Variants in PDZD2 observed in about 807,000 individuals in gnomAD.
The protein encoded by PDZD2 is PDZ domain-containing protein 2.
Under a neutral mutation model 220.7 loss-of-function variants are expected in PDZD2, and 90 were observed. The ratio of observed to expected loss-of-function variants is 0.41; its 90% CI spans 0.34 to 0.49. The LOEUF (loss-of-function observed/expected upper bound fraction) is 0.49. PDZD2 is among the 20% of genes least tolerant of loss of function. The pLI, the probability that PDZD2 is intolerant of heterozygous loss-of-function variation, is 0.28. For missense variants in PDZD2, 3,174 were observed against 3,608.5 expected (o/e 0.88, Z 3.08); for synonymous variants, 1,375 against 1,450.5 (o/e 0.95, Z 1.18).
intron 1 of PDZD2, among the ~76,000 whole-genome samples, chr5:31,775,684 T>TGTGTGTGTGTGTGTGTGA (rs1752603081): frequency 2.0e-5 from 3 of 151,192 alleles, no homozygotes; most frequent in African/African-American, 7.3e-5. Flanking sequence ...TGTGTGTGTG[T>TGTGTGTGTGTGTGTGTGA]GTGTGTGTGT....
At chr5:31,786,263 G>T (rs1193653856) in intron 1 of PDZD2, among the ~76,000 whole-genome samples, 1 of 152,178 alleles carries the variant, frequency 6.6e-6, no homozygotes, top group Non-Finnish European at 1.5e-5. Flanking sequence ...GAGCAGTCCA[G>T]GGAAGGGAGA....
chr5:32,043,677 G>C (rs1397188691), intron 7 of PDZD2, among the ~76,000 whole-genome samples: 1 of 152,090 alleles, frequency 6.6e-6, no homozygotes, highest in Non-Finnish European at 1.5e-5. Context: ...TCCCAGGCTG[G>C]AGCACGGTGG....
intron 1 of PDZD2, among the ~76,000 whole-genome samples, chr5:31,763,809 C>T (rs147812114): frequency 6.7e-6 from 1 of 149,440 alleles, no homozygotes; most frequent in East Asian, 2.0e-4. Context: ...TGCAAGCAGT[C>T]TTCAAAGGAT....
chr5:31,924,649 G>C (rs1369342054), intron 2 of PDZD2, among the ~76,000 whole-genome samples: 1 of 152,178 alleles, frequency 6.6e-6, no homozygotes, highest in East Asian at 1.9e-4. Context: ...GCTTAGAGGA[G>C]ACGCTTGTTA....
chr5:31,972,948 A>C (rs72759637), intron 2 of PDZD2, among the ~76,000 whole-genome samples: 457 of 152,356 alleles, frequency 3.0e-3, no homozygotes, highest in Non-Finnish European at 4.0e-3. Flanking sequence ...ACAGTAATTT[A>C]ATAAAGAAAT....
At chr5:31,842,518 G>A (rs372661951) in intron 2 of PDZD2, among the ~76,000 whole-genome samples, 6 of 152,332 alleles carry the variant, frequency 3.9e-5, no homozygotes, top group Non-Finnish European at 7.3e-5. Flanking sequence ...TTCCTGGCTC[G>A]AATCTGGCTG....
intron 24 of PDZD2, 77 bp from the exon 25 acceptor site, chr5:32,107,892 A>C: frequency 1.1e-6 from 1 of 896,316 alleles, no homozygotes; most frequent in Admixed American, 2.4e-5. Context: ...TATCACTTAA[A>C]AGTTTTTAGT....
chr5:31,734,832 A>C (rs1749754205), intron 1 of PDZD2, among the ~76,000 whole-genome samples: 1 of 152,214 alleles, frequency 6.6e-6, no homozygotes. Context: ...TCTCATTAGC[A>C]TAAGAAAAAA....
chr5:31,861,972 A>G (rs1255206245), intron 2 of PDZD2, among the ~76,000 whole-genome samples: 2 of 152,024 alleles, frequency 1.3e-5, no homozygotes, highest in East Asian at 3.9e-4. Context: ...TATGCCTTAT[A>G]CTATATAGTT....
intron 2 of PDZD2, among the ~76,000 whole-genome samples, chr5:31,895,970 C>A (rs1214019900): frequency 6.6e-6 from 1 of 152,142 alleles, no homozygotes; most frequent in Non-Finnish European, 1.5e-5. Context: ...TGTAACCCCC[C>A]CAGCCACACT....
rs765433027 is a variant in PDZD2, at chr5:32,069,596, A to G, written c.2479A>G (p.Ile827Val). The change falls in exon 15 of 25, where the codon ATA becomes GTA. Residue 827 changes from isoleucine to valine, a missense_variant. Around this residue, in one of 4 missense-constraint regions of PDZD2, gnomAD observed 1,861 missense variants for 2,001.0 expected, o/e 0.93. Transcript: ENST00000438447. Reference protein sequence around the residue: ...KVSEQEMDEVIARSTYQESKE... With the variant: ...KVSEQEMDEVVARSTYQESKE... ...TTCCGAGCAGGAAATGGATGAAGTC[A>G]TAGCACGCAGCACTTATCAGGAGAG... is the stretch of plus-strand genomic sequence containing the variant. 5 of 1,600,232 alleles carry G rather than the reference A, an allele frequency of 3.1e-6. No individual in the cohort carries two copies. Among genetic ancestry groups the G allele is most frequent in the Admixed American group, 1.7e-5 (1 of 60,016 alleles).
At position 31,864,839 on chromosome 5, in the gene PDZD2, CTTTTT is replaced by C. The variant is rs70955752; in HGVS notation, c.476+65138_476+65142del. ...GAATTGTATCTTGTATGAGATTTGT[CTTTTT>C]TTTTTTTTTTTTTTTTTTTTTTGAG... On this transcript the variant is annotated intron_variant, in intron 2 of 24. Transcript: ENST00000438447. Among the ~76,000 whole-genome samples the C allele has an allele frequency of 5.1e-3, 362 of 70,950 alleles. 2 individuals carry two copies. Among genetic ancestry groups the C allele is most frequent in the African/African-American group, 0.02 (337 of 17,128 alleles). 46.5% of individuals were successfully genotyped at this position (70,950 alleles called of 152,430 possible).
rs1219642203 is a variant in PDZD2 at position 32,089,787 on chromosome 5, C to T, written c.6339C>T (p.Asp2113=). The T allele has an allele frequency of 6.2e-7, 1 of 1,614,204 alleles. No individual in the cohort carries two copies. Among genetic ancestry groups the T allele is most frequent in the African/African-American group, 1.3e-5 (1 of 75,070 alleles). The change falls in exon 20 of 25, where the codon GAC becomes GAT. Residue 2113 remains aspartate, a synonymous_variant. Transcript: ENST00000438447. ...GTGGTAACAAGCCAGCTGAAAGCGA[C>T]AGACGGGGAGGGTGCTTGGCCCAGG... ...TVCGNKPAES[D]RRGGCLAQGN...
rs918968784 is a variant in PDZD2 at position 32,110,539 on chromosome 5, T to C, written c.*2404T>C. On this transcript the variant is annotated 3_prime_UTR_variant, in exon 25 of 25. Transcript: ENST00000438447. ...TTTCTGAAGTGAACACTAATGGTAT[T>C]GTCCTACTAAAACTGTCATTGTTTC... The C allele has an allele frequency of 6.6e-6, 1 of 152,646 alleles. No individual in the cohort carries two copies. The highest frequency in any genetic ancestry group is 1.9e-4 in the East Asian group (1 of 5,204). The allele number at this position is 152,646 out of a possible 1,614,324, so 9.5% of individuals were successfully genotyped here.
chr5:32,079,429 C>G (rs1365682311), intron 19 of PDZD2, among the ~76,000 whole-genome samples: 1 of 151,856 alleles, frequency 6.6e-6, no homozygotes, highest in East Asian at 1.9e-4. Context: ...TTGTTACTGT[C>G]TCAGCGCCTG....
intron 2 of PDZD2, chr5:31,843,248 A>T (rs1384224134): frequency 2.7e-5 from 4 of 150,644 alleles, no homozygotes; most frequent in African/African-American, 9.8e-5. Flanking sequence ...CACCCTGGGC[A>T]TATTAACAAC....
intron 1 of PDZD2, among the ~76,000 whole-genome samples, chr5:31,657,804 G>C (rs1745606335): frequency 6.6e-6 from 1 of 151,936 alleles, no homozygotes. Context: ...CGCTAGTCCT[G>C]CACATCTTGA....
At chr5:32,016,368 C>A (rs1046264942) in intron 6 of PDZD2, among the ~76,000 whole-genome samples, 1 of 152,184 alleles carries the variant, frequency 6.6e-6, no homozygotes, top group Non-Finnish European at 1.5e-5. Context: ...GAAACTCTCT[C>A]TTGTTTCGGG....
intron 19 of PDZD2, among the ~76,000 whole-genome samples, chr5:32,086,699 G>A (rs1256245057): frequency 6.6e-6 from 1 of 151,976 alleles, no homozygotes; most frequent in African/African-American, 2.4e-5. Flanking sequence ...TTTCTGAGAC[G>A]GAGTTTCGCT....
Sources: gnomAD v4.1 joint callset for allele counts (sites outside exome capture counted in the v4.1 genomes callset) on GRCh38, gnomAD v4.1.1 for gene constraint, gnomAD v4.1.1 regional missense constraint, MANE v1.5 for transcripts, NCBI Gene and HGNC (gene_info 2026-07-23, HGNC 2026-07-21) for gene names.